The following TBC1D9 variants were observed in gnomAD, a reference collection of about 807,000 sequenced individuals.
The protein encoded by TBC1D9 is TBC1 domain family member 9.
TBC1D9 carries 63 observed loss-of-function variants against 132.0 expected under a neutral mutation model. That is an observed-to-expected ratio of 0.48 (90% CI 0.39 to 0.59). The LOEUF is 0.59. Among genes scored for constraint, TBC1D9 ranks in the 20% least tolerant of loss-of-function variants. TBC1D9 has a pLI of 0.00. For missense variants in TBC1D9, 1,261 were observed against 1,592.7 expected (o/e 0.79, Z 3.54); for synonymous variants, 610 against 609.9 (o/e 1.00, Z 0.00).
chr4:140,622,361 G>C lies in TBC1D9; in HGVS notation c.3635C>G (p.Thr1212Ser), dbSNP rs773956951. The change falls in exon 21 of 21, where the codon ACC becomes AGC. Residue 1212 changes from threonine to serine, a missense_variant. Thr to Ser is a moderately conservative substitution (Grantham distance 58). Coordinates refer to ENST00000442267, the MANE Select transcript of TBC1D9 (RefSeq NM_015130.3). Reference sequence around the variant, plus strand: ...GAGGGAGGCCAGGAACTGCTCGAAGGTGATGGCCCAGTCCCGGTCCAGGCT... The same window carrying C: ...GAGGGAGGCCAGGAACTGCTCGAAGCTGATGGCCCAGTCCCGGTCCAGGCT... ...STSLDRDWAI[T>S]FEQFLASLLT... 2.5e-5 allele frequency: 41 copies of C among 1,613,488 alleles called. No homozygotes were observed. Among genetic ancestry groups the C allele is most frequent in the Non-Finnish European group, 3.2e-5 (38 of 1,179,560 alleles).
At chr4:140,703,604 A>G (rs1486335316) in intron 1 of TBC1D9, among the ~76,000 whole-genome samples, 1 of 152,174 alleles carries the variant, frequency 6.6e-6, no homozygotes, top group African/African-American at 2.4e-5. Flanking sequence ...AGCCTAAGTG[A>G]GGTAGACCAT....
intron 11 of TBC1D9, among the ~76,000 whole-genome samples, chr4:140,659,020 T>A (rs764062590): frequency 2.0e-5 from 3 of 152,160 alleles, no homozygotes; most frequent in Non-Finnish European, 4.4e-5. Flanking sequence ...ATAAACAATA[T>A]ACTGTACAAC....
chr4:140,677,865 T>C lies in TBC1D9; in HGVS notation c.852-764A>G, dbSNP rs548094827. Among the ~76,000 whole-genome samples the C allele has an allele frequency of 1.6e-4, 24 of 152,300 alleles. No homozygotes were observed. The South Asian group carries it at 5.0e-3, about 32-fold the overall frequency. The stretch of plus-strand genomic sequence containing the variant: ...GGTATATCAGGACACACAAGCATCC[T>C]TTCCATGCTTTCTCTACAAAATATC... On this transcript the variant is annotated intron_variant, in intron 5 of 20. Transcript: ENST00000442267.
intron 18 of TBC1D9, among the ~76,000 whole-genome samples, chr4:140,625,961 G>A (rs1736701010): frequency 6.6e-6 from 1 of 152,148 alleles, no homozygotes; most frequent in Non-Finnish European, 1.5e-5. Context: ...TCCATGCAAA[G>A]CAATAGCATC....
At chr4:140,746,104 G>A (rs1167271816) in intron 1 of TBC1D9, among the ~76,000 whole-genome samples, 2 of 152,164 alleles carry the variant, frequency 1.3e-5, no homozygotes, top group Non-Finnish European at 2.9e-5. Flanking sequence ...CCATGCCTAT[G>A]TTCTCAAATC....
chr4:140,743,587 G>C (rs1178791268), intron 1 of TBC1D9, among the ~76,000 whole-genome samples: 1 of 152,140 alleles, frequency 6.6e-6, no homozygotes, highest in Non-Finnish European at 1.5e-5. Flanking sequence ...CCACCCTCAG[G>C]GCTTTTGTCT....
rs191554280 is a variant in TBC1D9 at position 140,690,062 on chromosome 4, T to C, written c.242-3600A>G. ...TAAAGAAAGGATAAAGGTTTCTTTA[T>C]GCACACATTTCTATATGTACATCCC... On this transcript the variant is annotated intron_variant, in intron 2 of 20. Transcript: ENST00000442267. Among the ~76,000 whole-genome samples the C allele has an allele frequency of 7.6e-4, 116 of 152,042 alleles. 2 individuals carry two copies. Among genetic ancestry groups the C allele is most frequent in the Non-Finnish European group, 1.3e-3 (90 of 67,990 alleles).
At chr4:140,673,527 T>A (rs1477370407) in intron 6 of TBC1D9, among the ~76,000 whole-genome samples, 1 of 152,190 alleles carries the variant, frequency 6.6e-6, no homozygotes, top group Non-Finnish European at 1.5e-5. Flanking sequence ...TCTGACATTA[T>A]CATTACCTAA....
intron 1 of TBC1D9, among the ~76,000 whole-genome samples, chr4:140,729,661 T>A (rs1738556415): frequency 6.6e-6 from 1 of 151,662 alleles, no homozygotes; most frequent in African/African-American, 2.4e-5. Flanking sequence ...CTACTAAAAA[T>A]ACAAAAAAAT....
intron 16 of TBC1D9, among the ~76,000 whole-genome samples, chr4:140,629,724 G>A (rs768149723): frequency 2.0e-5 from 3 of 152,136 alleles, no homozygotes; most frequent in Non-Finnish European, 4.4e-5. Context: ...AACTGTTCCT[G>A]ACTCTTCCAT....
At chr4:140,749,183 T>C (rs1429374617) in intron 1 of TBC1D9, among the ~76,000 whole-genome samples, 1 of 151,622 alleles carries the variant, frequency 6.6e-6, no homozygotes, top group African/African-American at 2.4e-5. Context: ...CTGGGCAACA[T>C]AGTGAGACCC....
Position 140,672,888 on chromosome 4 carries a change from C to T in TBC1D9, c.1060-1962G>A, listed in dbSNP as rs184152625. Among the ~76,000 whole-genome samples the T allele has an allele frequency of 3.3e-3, 502 of 152,226 alleles. 1 individual carries two copies. Among genetic ancestry groups the T allele is most frequent in the Non-Finnish European group, 5.4e-3 (367 of 67,998 alleles). ...TATGAATGAAAAAAAAGGCTAGGCA[C>T]GTGGCTCACGCCTGTAATCCCAGCA... On this transcript the variant is annotated intron_variant, in intron 6 of 20. Transcript: ENST00000442267.
chr4:140,718,247 G>A (rs371062198), intron 1 of TBC1D9, among the ~76,000 whole-genome samples: 505 of 122,718 alleles, frequency 4.1e-3, no homozygotes, highest in Middle Eastern at 9.7e-3. Flanking sequence ...CCTTTTTTCA[G>A]AAAAAAAAAA....
chr4:140,752,510 G>T (rs1009507784), intron 1 of TBC1D9, among the ~76,000 whole-genome samples: 3 of 152,024 alleles, frequency 2.0e-5, no homozygotes, highest in Non-Finnish European at 2.9e-5. Flanking sequence ...TCACAAGGGG[G>T]CTTTTGGCAC....
chr4:140,637,464 G>A (rs187640534), intron 15 of TBC1D9, among the ~76,000 whole-genome samples: 6 of 151,996 alleles, frequency 3.9e-5, no homozygotes, highest in Admixed American at 1.3e-4. Context: ...TCCTCTGTCC[G>A]CTGTCACAGT....
chr4:140,723,259 A>G (rs1338578589), intron 1 of TBC1D9, among the ~76,000 whole-genome samples: 1 of 152,178 alleles, frequency 6.6e-6, no homozygotes, highest in Non-Finnish European at 1.5e-5. Context: ...AACCTGCGTT[A>G]CCAAACTGCC....
chr4:140,702,864 C>T (rs1738093600), intron 1 of TBC1D9, among the ~76,000 whole-genome samples: 1 of 152,132 alleles, frequency 6.6e-6, no homozygotes, highest in Non-Finnish European at 1.5e-5. Context: ...TAGAGCAGGG[C>T]TTGGACTCAG....
At chr4:140,671,589 C>T (rs1243266137) in intron 6 of TBC1D9, among the ~76,000 whole-genome samples, 2 of 151,914 alleles carry the variant, frequency 1.3e-5, no homozygotes, top group Non-Finnish European at 2.9e-5. Flanking sequence ...CACCTTCTAC[C>T]ACTGCAAAGT....
rs751773715 is a variant in TBC1D9 at position 140,679,726 on chromosome 4, G to A, written c.478C>T (p.Leu160Phe). ...TAGCTGCAAGAGTAATAGTTGACGA[G>A]TTTCTCTTCCTCTGGCATCCCAAAC... The part of the protein sequence containing the change: ...RLFGMPEEEK[L>F]VNYYSCSYWK... Residue 160 changes from leucine (L) to phenylalanine (F), a missense_variant, in exon 4 of 21, where the codon CTC becomes TTC. This residue lies in a region of TBC1D9 where 550 missense variants were observed against 699.0 expected (regional missense o/e 0.79). Transcript: ENST00000442267. The A allele has an allele frequency of 6.2e-7, 1 of 1,613,748 alleles. No homozygotes were observed. The highest frequency in any genetic ancestry group is 1.7e-5 in the Admixed American group (1 of 59,984).
Sources: allele counts gnomAD v4.1 joint callset (sites outside exome capture counted in the v4.1 genomes callset), GRCh38; gene constraint gnomAD v4.1.1; regional missense constraint gnomAD v4.1.1; transcripts MANE v1.5; gene names NCBI Gene and HGNC (gene_info 2026-07-23, HGNC 2026-07-21).